The following ASIP variants were observed in gnomAD, a reference collection of about 807,000 sequenced individuals.
ASIP encodes the protein agouti signaling protein.
ASIP carries 11 observed loss-of-function variants against 10.3 expected under a neutral mutation model. That is an observed-to-expected ratio of 1.07 (90% CI 0.68 to 1.78). ASIP has a LOEUF of 1.78. Among genes scored for constraint, ASIP ranks in the 40% most tolerant of loss-of-function variants. ASIP has a pLI of 0.00. For missense variants in ASIP, 180 were observed against 169.2 expected (o/e 1.06, Z -0.35); for synonymous variants, 70 against 70.8 (o/e 0.99, Z 0.06).
In ASIP at chr20:34,235,564, G is replaced by A. The variant is rs997395884; in HGVS notation, c.-10-24801G>A. On this transcript the variant is annotated intron_variant, in intron 1 of 3. Coordinates refer to the ASIP transcript ENST00000568305. ...CTAGATTGAAGACCAGGCAACAGAA[G>A]TATATCTTTCTTAGCACGATAACAA... 2.0e-5 allele frequency among the ~76,000 whole-genome samples: 3 copies of A among 152,086 alleles called. No individual in the cohort carries two copies. In the East Asian group the frequency reaches 5.8e-4, roughly 29 times the overall value.
intron 1 of ASIP, among the ~76,000 whole-genome samples, chr20:34,207,264 C>T (rs184218166): frequency 6.6e-6 from 1 of 152,314 alleles, no homozygotes; most frequent in African/African-American, 2.4e-5. Context: ...GAGATGAAAT[C>T]TCACTGTGGT....
chr20:34,214,844 C>G (rs933409360), intron 1 of ASIP: 1 of 1,603,514 alleles, frequency 6.2e-7, no homozygotes, highest in Non-Finnish European at 8.5e-7. Context: ...GAAATATCAT[C>G]ATCCTCATGA....
intron 1 of ASIP, among the ~76,000 whole-genome samples, chr20:34,216,614 A>G (rs566369005): frequency 1.3e-5 from 2 of 152,312 alleles, no homozygotes; most frequent in African/African-American, 4.8e-5. Flanking sequence ...ATGGAATGCC[A>G]TAGGGGTTAG....
intron 1 of ASIP, chr20:34,214,067 CAACT>C: frequency 1.6e-6 from 2 of 1,242,654 alleles, no homozygotes; most frequent in Non-Finnish European, 2.4e-6. Flanking sequence ...ATCATCACTC[CAACT>C]GTCTCATAAA....
At position 34,207,338 on chromosome 20, in the gene ASIP, T is replaced by G. The variant is rs6059717; in HGVS notation, c.-11+12578T>G. 8.4e-3 allele frequency among the ~76,000 whole-genome samples: 1,277 copies of G among 152,344 alleles called. 20 individuals carry two copies. Among genetic ancestry groups the G allele is most frequent in the African/African-American group, 0.029 (1,189 of 41,570 alleles). On this transcript the variant is annotated intron_variant, in intron 1 of 3. Coordinates refer to the ASIP transcript ENST00000568305. ...ATTTACTCATATGCCTGTTGGCCCT[T>G]TGTATGCCTTCTTTTGAGAAATGCC...
chr20:34,253,382 G>A (rs1040351854), intron 1 of ASIP, among the ~76,000 whole-genome samples: 5 of 150,204 alleles, frequency 3.3e-5, no homozygotes, highest in South Asian at 2.1e-4. Context: ...CTGGGATTAC[G>A]GGCGTGAGCC....
Position 34,258,681 on chromosome 20 carries a change from ATATATATATACATAC to A in ASIP, c.-10-1673_-10-1659del, listed in dbSNP as rs1194183681. ...ATCTTAGAAGGGGGATGCCATATAT[ATATATATATACATAC>A]TATATATATATATTATATATATTAT... On this transcript the variant is annotated intron_variant, in intron 1 of 3. Coordinates refer to ENST00000374954, the MANE Select transcript of ASIP (RefSeq NM_001672.3). Among the ~76,000 whole-genome samples, 2 of 70,968 alleles carry A rather than the reference ATATATATATACATAC, an allele frequency of 2.8e-5. 1 individual carries two copies. Among genetic ancestry groups the A allele is most frequent in the Admixed American group, 4.1e-4 (2 of 4,930 alleles). 46.6% of individuals were successfully genotyped at this position (70,968 alleles called of 152,430 possible).
In ASIP at chr20:34,258,700, A is replaced by ATATATATATATACACACATAC. The variant is rs1555826880; in HGVS notation, c.-10-1656_-10-1655insATACACACATACTATATATAT. Among the ~76,000 whole-genome samples, 20 of 77,922 alleles carry ATATATATATATACACACATAC rather than the reference A, an allele frequency of 2.6e-4. 1 individual carries two copies. Among genetic ancestry groups the ATATATATATATACACACATAC allele is most frequent in the East Asian group, 5.2e-4 (1 of 1,912 alleles). The allele number at this position is 77,922 out of a possible 152,430, so 51.1% of individuals were successfully genotyped here. On this transcript the variant is annotated intron_variant, in intron 1 of 3. Coordinates refer to ENST00000374954, the MANE Select transcript of ASIP (RefSeq NM_001672.3). ...ATATATATATATATATACATACTAT[A>ATATATATATATACACACATAC]TATATATATTATATATATTATAAAA...
chr20:34,202,630 CTAATA>C (rs970463357), intron 1 of ASIP, among the ~76,000 whole-genome samples: 2 of 151,930 alleles, frequency 1.3e-5, no homozygotes, highest in Non-Finnish European at 2.9e-5. Context: ...CATTGTCTAT[CTAATA>C]TGTGTGTGTT....
chr20:34,227,323 A>C (rs1358871295), intron 1 of ASIP, among the ~76,000 whole-genome samples: 7 of 152,112 alleles, frequency 4.6e-5, no homozygotes, highest in Admixed American at 4.6e-4. Flanking sequence ...AGAGAAATTA[A>C]TACTTAAATA....
At chr20:34,206,378 A>G (rs188612731) in intron 1 of ASIP, among the ~76,000 whole-genome samples, 4 of 152,246 alleles carry the variant, frequency 2.6e-5, no homozygotes, top group Admixed American at 1.3e-4. Context: ...CAAAAACACC[A>G]TTCCATTCAC....
At chr20:34,262,927 T>C in intron 3 of ASIP, 34 bp downstream of exon 3, 1 of 1,611,694 alleles carries the variant, frequency 6.2e-7, no homozygotes, top group Non-Finnish European at 8.5e-7. Flanking sequence ...GTTCTCATTG[T>C]TGGGGTGAGA....
At chr20:34,214,105 G>T (rs2034992280) in intron 1 of ASIP, 2 of 1,144,708 alleles carry the variant, frequency 1.7e-6, no homozygotes, top group Non-Finnish European at 2.7e-6. Context: ...TCGCTGCTCA[G>T]GAAGGACTGG....
At chr20:34,232,127 T>C (rs2035125611) in intron 1 of ASIP, among the ~76,000 whole-genome samples, 1 of 152,190 alleles carries the variant, frequency 6.6e-6, no homozygotes, top group African/African-American at 2.4e-5. Flanking sequence ...TACATGACAA[T>C]AGCACTGAGT....
At chr20:34,249,786 C>T (rs1243027327) in intron 1 of ASIP, among the ~76,000 whole-genome samples, 1 of 152,200 alleles carries the variant, frequency 6.6e-6, no homozygotes, top group Non-Finnish European at 1.5e-5. Context: ...GAACATAAAG[C>T]AACTTGATTC....
chr20:34,213,579 T>C (rs2034988511), intron 1 of ASIP: 1 of 1,551,044 alleles, frequency 6.4e-7, no homozygotes, highest in Non-Finnish European at 8.8e-7. Flanking sequence ...TGAACATCTG[T>C]TGTAAAAACG....
At chr20:34,246,553 C>T (rs2035378952) in intron 1 of ASIP, 2 of 896,666 alleles carry the variant, frequency 2.2e-6, no homozygotes, top group South Asian at 2.8e-5. Flanking sequence ...GCAACCTCTG[C>T]CTCCGGGCTC....
At chr20:34,257,070 C>CTT (rs56227909) in intron 1 of ASIP, among the ~76,000 whole-genome samples, 15,556 of 139,282 alleles carry the variant, frequency 0.11, 2,589 homozygotes, top group African/African-American at 0.38. Flanking sequence ...CTTTCTTTCT[C>CTT]TTTTTTTTTT....
intron 1 of ASIP, among the ~76,000 whole-genome samples, chr20:34,195,681 G>T (rs2065912): frequency 0.29 from 43,861 of 152,196 alleles, 11,614 homozygotes; most frequent in African/African-American, 0.71. Flanking sequence ...TCAGCCTCTG[G>T]CAGGTTGGGG....
Sources: gnomAD v4.1 joint callset for allele counts (sites outside exome capture counted in the v4.1 genomes callset) on GRCh38, gnomAD v4.1.1 for gene constraint, MANE v1.5 for transcripts, NCBI Gene and HGNC (gene_info 2026-07-23, HGNC 2026-07-21) for gene names.